The following NCKAP5 variants were observed in gnomAD, a reference collection of about 807,000 sequenced individuals.
The protein encoded by NCKAP5 is nck-associated protein 5.
Under a neutral mutation model 167.0 loss-of-function variants are expected in NCKAP5, and 92 were observed. The observed-to-expected ratio is 0.55, with a 90% CI of 0.47 to 0.66. NCKAP5 has a LOEUF of 0.66. Among genes scored for constraint, NCKAP5 ranks in the 30% least tolerant of loss-of-function variants. The probability of loss-of-function intolerance (pLI) is 0.00; values close to 1 mark genes in which losing one functional copy is unlikely to be tolerated. For synonymous variants in NCKAP5, 891 were observed against 877.4 expected (o/e 1.02, Z -0.27); for missense variants, 2,378 against 2,315.0 (o/e 1.03, Z -0.56).
At chr2:133,017,540 T>G (rs891231812) in intron 6 of NCKAP5, among the ~76,000 whole-genome samples, 2 of 152,128 alleles carry the variant, frequency 1.3e-5, no homozygotes, top group South Asian at 4.1e-4. Context: ...TATTTTTGAA[T>G]GGAAACATGG....
intron 11 of NCKAP5, among the ~76,000 whole-genome samples, chr2:132,855,106 C>G (rs1027352048): frequency 2.0e-5 from 3 of 152,160 alleles, no homozygotes; most frequent in Non-Finnish European, 4.4e-5. Flanking sequence ...AAACCAACCT[C>G]ACGTGTTACA....
intron 6 of NCKAP5, among the ~76,000 whole-genome samples, chr2:133,045,533 A>C (rs1373269078): frequency 6.6e-6 from 1 of 152,010 alleles, no homozygotes; most frequent in African/African-American, 2.4e-5. Flanking sequence ...TTGCGAAGAC[A>C]AGGGTTCTTT....
At chr2:132,909,355 A>G (rs1694259899) in intron 8 of NCKAP5, among the ~76,000 whole-genome samples, 1 of 152,020 alleles carries the variant, frequency 6.6e-6, no homozygotes, top group African/African-American at 2.4e-5. Flanking sequence ...CAAAAAAAAA[A>G]TTATATCTAT....
chr2:132,918,050 G>A (rs1695019124), intron 8 of NCKAP5, among the ~76,000 whole-genome samples: 1 of 152,126 alleles, frequency 6.6e-6, no homozygotes. Context: ...TGATCAGGAA[G>A]GATTTAATGA....
chr2:133,357,332 C>T lies in NCKAP5; in HGVS notation c.70-54222G>A, dbSNP rs148188016. 2.6e-3 allele frequency among the ~76,000 whole-genome samples: 381 copies of T among 145,678 alleles called. 4 individuals carry two copies. Among genetic ancestry groups the T allele is most frequent in the African/African-American group, 9.2e-3 (367 of 39,814 alleles). On this transcript the variant is annotated intron_variant, in intron 3 of 19. Transcript: ENST00000409261. ...ACACACACACACACACACACACATA[C>T]ACAGAGGCTAATGTGAATATAGGGT...
chr2:133,427,044 G>C (rs1013984379), intron 3 of NCKAP5, among the ~76,000 whole-genome samples: 1 of 152,208 alleles, frequency 6.6e-6, no homozygotes, highest in African/African-American at 2.4e-5. Context: ...TCATAATGCA[G>C]TAGGGAGAGC....
At chr2:132,984,726 C>T (rs920435734) in intron 7 of NCKAP5, among the ~76,000 whole-genome samples, 1 of 151,862 alleles carries the variant, frequency 6.6e-6, no homozygotes, top group Non-Finnish European at 1.5e-5. Flanking sequence ...CCTGTCACAG[C>T]CTATTTTCTC....
At chr2:133,393,985 T>C (rs1350256202) in intron 3 of NCKAP5, among the ~76,000 whole-genome samples, 1 of 152,200 alleles carries the variant, frequency 6.6e-6, no homozygotes, top group Admixed American at 6.5e-5. Context: ...TTGGGCCCCA[T>C]TTGCATATTC....
At chr2:132,718,456 G>T (rs1289680415) in intron 19 of NCKAP5, among the ~76,000 whole-genome samples, 2 of 152,180 alleles carry the variant, frequency 1.3e-5, no homozygotes, top group Non-Finnish European at 2.9e-5. Flanking sequence ...GAGACTATGA[G>T]AATCAAGCCA....
the NCKAP5 span, among the ~76,000 whole-genome samples, chr2:133,611,234 C>T: frequency 6.6e-6 from 1 of 152,084 alleles, no homozygotes; most frequent in African/African-American, 2.4e-5. Flanking sequence ...TGTTGCATCT[C>T]TCAGAGACCA....
the NCKAP5 span, among the ~76,000 whole-genome samples, chr2:133,618,801 C>G: frequency 7.1e-6 from 1 of 141,626 alleles, no homozygotes; most frequent in African/African-American, 2.6e-5. Context: ...CATCCCATTA[C>G]TGGGTATATA....
At chr2:132,673,726 A>G (rs1013122945) in intron 19 of NCKAP5, among the ~76,000 whole-genome samples, 1 of 152,204 alleles carries the variant, frequency 6.6e-6, no homozygotes, top group African/African-American at 2.4e-5. Flanking sequence ...TAAAAAAAAG[A>G]CATAAAAATC....
intron 19 of NCKAP5, among the ~76,000 whole-genome samples, chr2:132,702,981 C>G (rs915684361): frequency 6.6e-6 from 1 of 152,104 alleles, no homozygotes; most frequent in South Asian, 2.1e-4. Context: ...AATTTGGAGA[C>G]CAGCCTGGGC....
intron 5 of NCKAP5, among the ~76,000 whole-genome samples, chr2:133,160,839 G>A (rs1327887258): frequency 6.6e-6 from 1 of 152,082 alleles, no homozygotes; most frequent in African/African-American, 2.4e-5. Context: ...TTTCTAGGGA[G>A]AGTCTTCTAC....
intron 11 of NCKAP5, among the ~76,000 whole-genome samples, chr2:132,858,492 AC>A (rs1226649107): frequency 2.0e-5 from 3 of 152,158 alleles, no homozygotes; most frequent in Non-Finnish European, 4.4e-5. Context: ...TGTTTCTCAA[AC>A]CCTAAAGTAC....
At chr2:132,915,535 T>C (rs1464029561) in intron 8 of NCKAP5, 1 of 152,082 alleles carries the variant, frequency 6.6e-6, no homozygotes, top group African/African-American at 2.4e-5. Context: ...GGATAAGTAG[T>C]TCTGGAACAC....
intron 6 of NCKAP5, among the ~76,000 whole-genome samples, chr2:133,082,369 T>A (rs1014084112): frequency 1.1e-4 from 16 of 152,116 alleles, no homozygotes; most frequent in African/African-American, 3.9e-4. Flanking sequence ...GCTGAAGCAA[T>A]ACAAAACTAA....
intron 6 of NCKAP5, among the ~76,000 whole-genome samples, chr2:133,049,380 C>T (rs540973573): frequency 7.2e-5 from 11 of 151,924 alleles, no homozygotes; most frequent in African/African-American, 2.7e-4. Context: ...CCCGTCTCTA[C>T]TAAAATACAA....
intron 6 of NCKAP5, among the ~76,000 whole-genome samples, chr2:133,025,509 G>C (rs1043517460): frequency 4.6e-5 from 7 of 152,198 alleles, no homozygotes; most frequent in Non-Finnish European, 1.0e-4. Flanking sequence ...TCTGTGAGAG[G>C]TGTGAAAAAT....
Sources: gnomAD v4.1 joint callset for allele counts (sites outside exome capture counted in the v4.1 genomes callset) on GRCh38, gnomAD v4.1.1 for gene constraint, MANE v1.5 for transcripts, NCBI Gene and HGNC (gene_info 2026-07-23, HGNC 2026-07-21) for gene names.